SLC16A12: variants seen among roughly 807,000 people sequenced by gnomAD.
The protein encoded by SLC16A12 is monocarboxylate transporter 12.
In SLC16A12, 17 loss-of-function variants were observed where a neutral mutation model predicts 42.4. That is an observed-to-expected ratio of 0.40 (90% CI 0.27 to 0.60). The LOEUF is 0.60. Among genes scored for constraint, SLC16A12 ranks in the 20% least tolerant of loss-of-function variants. The pLI is 0.42. For synonymous variants in SLC16A12, 224 were observed against 229.4 expected (o/e 0.98, Z 0.21); for missense variants, 544 against 623.0 (o/e 0.87, Z 1.35).
intron 2 of SLC16A12, among the ~76,000 whole-genome samples, chr10:89,514,880 C>T (rs1009611643): frequency 1.3e-5 from 2 of 152,156 alleles, no homozygotes; most frequent in Non-Finnish European, 2.9e-5. Flanking sequence ...CACCTGAGGT[C>T]AGGAGTTCGA....
At chr10:89,488,022 TA>T in intron 2 of SLC16A12, among the ~76,000 whole-genome samples, 1 of 143,218 alleles carries the variant, frequency 7.0e-6, no homozygotes, top group Middle Eastern at 3.7e-3. Context: ...TATACCATAT[TA>T]ATATATATTA....
intron 2 of SLC16A12, among the ~76,000 whole-genome samples, chr10:89,530,258 T>G (rs139382500): frequency 5.2e-4 from 79 of 152,314 alleles, no homozygotes; most frequent in African/African-American, 1.7e-3. Flanking sequence ...TTCAAATCTC[T>G]TATCACTATG....
At chr10:89,525,796 A>G (rs1363825341) in intron 2 of SLC16A12, among the ~76,000 whole-genome samples, 1 of 152,186 alleles carries the variant, frequency 6.6e-6, no homozygotes, top group African/African-American at 2.4e-5. Flanking sequence ...TGGAGTGGGG[A>G]TTTGACCTAA....
chr10:89,473,397 AT>A (rs1842530572), intron 2 of SLC16A12, among the ~76,000 whole-genome samples: 1 of 152,170 alleles, frequency 6.6e-6, no homozygotes, highest in Admixed American at 6.5e-5. Context: ...TTGTCACTCC[AT>A]TTATACCAAA....
chr10:89,438,441 G>C (rs2133686340), intron 6 of SLC16A12, among the ~76,000 whole-genome samples, 163 bp downstream of exon 6: 1 of 152,226 alleles, frequency 6.6e-6, no homozygotes, highest in South Asian at 2.1e-4. Context: ...AGAAAATTTT[G>C]CCAACCTCTG....
intron 2 of SLC16A12, among the ~76,000 whole-genome samples, chr10:89,540,728 G>A (rs545317454): frequency 6.6e-5 from 10 of 152,176 alleles, no homozygotes; most frequent in Middle Eastern, 3.4e-3. Context: ...TCTCTTCTCC[G>A]ATGTCACTTA....
chr10:89,467,260 C>T (rs1367287511), intron 2 of SLC16A12, among the ~76,000 whole-genome samples: 1 of 152,180 alleles, frequency 6.6e-6, no homozygotes, highest in Non-Finnish European at 1.5e-5. Flanking sequence ...TGAAAGAATA[C>T]TGAAACAGCC....
rs1429773739 is a variant in SLC16A12, at chr10:89,498,271, G to A, written c.-46-35647C>T. On this transcript the variant is annotated intron_variant, in intron 2 of 7. Transcript: ENST00000371790. Reference sequence around the variant, plus strand: ...GGCTTGAGCCCAGAAGGTCAAGGCTGTGGTGAGCCCCGATCATGCCACTGC... The same window carrying A: ...GGCTTGAGCCCAGAAGGTCAAGGCTATGGTGAGCCCCGATCATGCCACTGC... Among the ~76,000 whole-genome samples, 8 of 152,300 alleles carry A rather than the reference G, an allele frequency of 5.3e-5. No homozygotes were observed. The South Asian group carries it at 1.5e-3, about 28-fold the overall frequency.
chr10:89,459,417 T>C (rs1197120364), intron 3 of SLC16A12, among the ~76,000 whole-genome samples: 1 of 151,814 alleles, frequency 6.6e-6, no homozygotes, highest in Non-Finnish European at 1.5e-5. Context: ...GTGTGTGTAG[T>C]GTGTATGCAG....
intron 5 of SLC16A12, among the ~76,000 whole-genome samples, chr10:89,440,072 T>TC (rs1406334832): frequency 8.5e-4 from 16 of 18,884 alleles, no homozygotes; most frequent in Non-Finnish European, 2.4e-3. Context: ...AGACCCTGTC[T>TC]CAAAAAAAAA....
rs1198682444 is a variant in SLC16A12, at chr10:89,441,099, T to C, written c.448+9A>G. 1 of 1,613,842 alleles carries C rather than the reference T, an allele frequency of 6.2e-7. No homozygotes were observed. The highest frequency in any genetic ancestry group is 2.2e-5 in the East Asian group (1 of 44,874). On this transcript the variant is annotated intron_variant, in intron 5 of 7. Coordinates refer to ENST00000371790, the MANE Select transcript of SLC16A12 (RefSeq NM_213606.4). ...GTGGGGTGAGACAGGTGGTACAAAGTGCCCTTACCTGTAAGAACTCCCAGA... is the reference window on the plus strand; with the variant it reads ...GTGGGGTGAGACAGGTGGTACAAAGCGCCCTTACCTGTAAGAACTCCCAGA...
At chr10:89,441,757 T>C (rs1388315821) in intron 4 of SLC16A12, among the ~76,000 whole-genome samples, 1 of 152,162 alleles carries the variant, frequency 6.6e-6, no homozygotes, top group Non-Finnish European at 1.5e-5. Flanking sequence ...GCACACCCTG[T>C]GGTTGAGATA....
intron 2 of SLC16A12, among the ~76,000 whole-genome samples, chr10:89,496,821 A>G (rs562678219): frequency 1.3e-5 from 2 of 152,198 alleles, no homozygotes; most frequent in Non-Finnish European, 2.9e-5. Context: ...AAGACAATAA[A>G]AAAGCAAGAC....
chr10:89,468,448 C>T (rs1564579335), intron 2 of SLC16A12, among the ~76,000 whole-genome samples: 1 of 152,184 alleles, frequency 6.6e-6, no homozygotes, highest in East Asian at 1.9e-4. Context: ...GTAGCTTTGG[C>T]TGACTTTGGA....
At chr10:89,435,956 C>G in intron 7 of SLC16A12, 104 bp downstream of exon 7, 2 of 1,518,496 alleles carry the variant, frequency 1.3e-6, no homozygotes, top group Non-Finnish European at 1.8e-6. Context: ...CACTCTTCCC[C>G]AACTCTCTTG....
chr10:89,463,165 A>G (rs976514235), intron 2 of SLC16A12: 3 of 152,302 alleles, frequency 2.0e-5, no homozygotes, highest in Non-Finnish European at 4.4e-5. Flanking sequence ...CTACACTGTT[A>G]CACAAAAGAT....
intron 2 of SLC16A12, among the ~76,000 whole-genome samples, chr10:89,480,973 T>C (rs1315603110): frequency 6.6e-6 from 1 of 152,198 alleles, no homozygotes; most frequent in African/African-American, 2.4e-5. Context: ...AATATCTGTG[T>C]CTACGTTCTT....
chr10:89,444,379 T>G (rs1841964131), intron 3 of SLC16A12, among the ~76,000 whole-genome samples: 1 of 152,058 alleles, frequency 6.6e-6, no homozygotes, highest in African/African-American at 2.4e-5. Flanking sequence ...TAATAATAGA[T>G]ATATAAGAGG....
chr10:89,436,858 GAAATAAAGAA>G (rs140476488), intron 6 of SLC16A12, among the ~76,000 whole-genome samples: 29 of 107,018 alleles, frequency 2.7e-4, no homozygotes, highest in African/African-American at 9.4e-4. Context: ...AGAAAAGAAA[GAAATAAAGAA>G]AAAGAAAGAA....
Sources: allele counts gnomAD v4.1 joint callset (sites outside exome capture counted in the v4.1 genomes callset), GRCh38; gene constraint gnomAD v4.1.1; transcripts MANE v1.5; gene names NCBI Gene and HGNC (gene_info 2026-07-23, HGNC 2026-07-21).